DIAPH2: variants seen among roughly 807,000 people sequenced by gnomAD.
The protein encoded by DIAPH2 is protein diaphanous homolog 2.
A neutral mutation model predicts 92.7 loss-of-function variants in DIAPH2; 35 were observed. The observed-to-expected ratio is 0.38, with a 90% CI of 0.29 to 0.50. The LOEUF (loss-of-function observed/expected upper bound fraction) is 0.50. DIAPH2 is among the 20% of genes least tolerant of loss of function. The pLI, the probability that DIAPH2 is intolerant of heterozygous loss-of-function variation, is 0.94. For missense variants in DIAPH2, 701 were observed against 819.5 expected (o/e 0.86, Z 1.77); for synonymous variants, 301 against 280.4 (o/e 1.07, Z -0.73).
At chrX:97,122,679 G>T (rs1040029303) in intron 21 of DIAPH2, among the ~76,000 whole-genome samples, 1 of 112,065 alleles carries the variant, frequency 8.9e-6, no homozygotes, top group Non-Finnish European at 1.9e-5. Context: ...AAATGACTTT[G>T]TGGGTTATAA....
At chrX:97,019,740 A>G (rs1426572992) in intron 17 of DIAPH2, among the ~76,000 whole-genome samples, 2 of 105,542 alleles carry the variant, frequency 1.9e-5, no homozygotes, top group Non-Finnish European at 3.9e-5. Context: ...TGTAATAGGC[A>G]TTAATAGATT....
intron 26 of DIAPH2, 130 bp downstream of exon 26, chrX:97,429,875 C>A: frequency 1.7e-6 from 1 of 599,402 alleles, no homozygotes; most frequent in Non-Finnish European, 2.5e-6. Flanking sequence ...TTGATCTCAG[C>A]TCATGTGTGA....
At chrX:96,980,371 C>T (rs1375809248) in intron 17 of DIAPH2, among the ~76,000 whole-genome samples, 1 of 111,090 alleles carries the variant, frequency 9.0e-6, no homozygotes, top group African/African-American at 3.3e-5. Flanking sequence ...GCCAATCAAG[C>T]CGTCCCTCTG....
At chrX:97,336,243 C>CTTT (rs1186112131) in intron 23 of DIAPH2, among the ~76,000 whole-genome samples, 10 of 91,741 alleles carry the variant, frequency 1.1e-4, no homozygotes, top group African/African-American at 1.2e-4. Context: ...CTTTTCTTTT[C>CTTT]TTTTTTTTTT....
Position 96,965,154 on chromosome X carries a change from A to G in DIAPH2, c.1997A>G (p.Glu666Gly). 1 of 1,200,317 alleles carries G rather than the reference A, an allele frequency of 8.3e-7. No homozygotes were observed. The change falls in exon 17 of 27, where the codon GAG becomes GGG. Residue 666 changes from glutamate to glycine, a missense_variant. Physicochemically the swap from Glu to Gly is moderately conservative, Grantham distance 98 (BLOSUM62 -2). Coordinates refer to ENST00000324765, the MANE Select transcript of DIAPH2 (RefSeq NM_006729.5). ...FWLRVKEDKF[E>G]NPDLFAKLAL... ...TTAAGAGTCAAAGAAGACAAGTTTG[A>G]GAATCCAGATCTCTTTGCCAAATTG...
chrX:97,579,571 C>G (rs1198603917), intron 26 of DIAPH2, among the ~76,000 whole-genome samples: 1 of 111,065 alleles, frequency 9.0e-6, no homozygotes. Context: ...GTTACTGTAG[C>G]CTTGTAGTAT....
chrX:97,234,554 A>G (rs1360781261), intron 22 of DIAPH2, among the ~76,000 whole-genome samples: 1 of 111,583 alleles, frequency 9.0e-6, no homozygotes, highest in Non-Finnish European at 1.9e-5. Flanking sequence ...CTTACGGACC[A>G]CACACAGTCC....
chrX:97,443,605 G>T (rs146587451), intron 26 of DIAPH2, among the ~76,000 whole-genome samples: 123 of 112,160 alleles, frequency 1.1e-3, no homozygotes, highest in Non-Finnish European at 2.1e-3. Context: ...CACTGTAAAT[G>T]AAATCCCATT....
At chrX:97,112,343 C>T (rs1200701079) in intron 20 of DIAPH2, among the ~76,000 whole-genome samples, 1 of 110,960 alleles carries the variant, frequency 9.0e-6, no homozygotes, top group East Asian at 2.8e-4. Flanking sequence ...CTTTTTTAGT[C>T]ATCAGGGAGA....
At chrX:97,018,210 A>C (rs911191710) in intron 17 of DIAPH2, among the ~76,000 whole-genome samples, 2 of 112,265 alleles carry the variant, frequency 1.8e-5, no homozygotes, top group Non-Finnish European at 3.8e-5. Context: ...CTGTCTTGTC[A>C]TGTTAACAGG....
At chrX:96,790,892 C>T (rs776295583) in intron 4 of DIAPH2, among the ~76,000 whole-genome samples, 21 of 111,430 alleles carry the variant, frequency 1.9e-4, no homozygotes, top group Admixed American at 7.7e-4. Flanking sequence ...AGAAATTGAT[C>T]TTGATGAGGT....
At chrX:97,414,238 G>GA (rs2069914359) in intron 25 of DIAPH2, among the ~76,000 whole-genome samples, 1 of 111,549 alleles carries the variant, frequency 9.0e-6, no homozygotes, top group Admixed American at 9.5e-5. Context: ...AGAGGCATCA[G>GA]AAATAATACT....
chrX:97,415,296 G>A (rs765658491), intron 25 of DIAPH2, among the ~76,000 whole-genome samples: 8 of 111,823 alleles, frequency 7.2e-5, no homozygotes, highest in Admixed American at 9.5e-5. Flanking sequence ...ACAGTGTGGC[G>A]ATTCCTCAAG....
Position 97,100,185 on chromosome X carries a change from T to C in DIAPH2, c.2349+390T>C, listed in dbSNP as rs191350292. The stretch of plus-strand genomic sequence containing the variant: ...AAATAAAAGGATAATTACTAGATAA[T>C]TAGCAAAGTACTAGAGACTCTTTTT... On this transcript the variant is annotated intron_variant, in intron 20 of 26. Coordinates refer to ENST00000324765, the MANE Select transcript of DIAPH2 (RefSeq NM_006729.5). Among the ~76,000 whole-genome samples, 22 of 111,110 alleles carry C rather than the reference T, an allele frequency of 2.0e-4. No individual in the cohort carries two copies. The Admixed American group carries it at 2.1e-3, about 11-fold the overall frequency.
chrX:97,500,660 T>G (rs1026477464), intron 26 of DIAPH2, among the ~76,000 whole-genome samples: 1 of 106,229 alleles, frequency 9.4e-6, no homozygotes, highest in Admixed American at 1.0e-4. Context: ...TTCAGTTAAT[T>G]TATCCTTGTT....
chrX:97,401,934 A>G (rs1455803787), intron 25 of DIAPH2, among the ~76,000 whole-genome samples: 1 of 112,461 alleles, frequency 8.9e-6, no homozygotes, highest in Non-Finnish European at 1.9e-5. Context: ...TAAATATTAG[A>G]ACTGAGTCAT....
intron 1 of DIAPH2, among the ~76,000 whole-genome samples, chrX:96,729,306 A>G (rs1180129110): frequency 8.9e-6 from 1 of 112,272 alleles, no homozygotes; most frequent in Non-Finnish European, 1.9e-5. Flanking sequence ...CATTCTTTCT[A>G]TACCTGTAGA....
At chrX:97,585,148 G>A (rs926146639) in intron 26 of DIAPH2, among the ~76,000 whole-genome samples, 4 of 111,476 alleles carry the variant, frequency 3.6e-5, no homozygotes, top group Non-Finnish European at 7.5e-5. Flanking sequence ...AGGTGATGAT[G>A]CAGGGTATCC....
Position 97,401,888 on chromosome X carries a change from T to C in DIAPH2, c.3145+17844T>C, listed in dbSNP as rs1441190537. 2.7e-5 allele frequency among the ~76,000 whole-genome samples: 3 copies of C among 112,736 alleles called. No individual in the cohort carries two copies. In the Admixed American group the frequency reaches 2.8e-4, roughly 11 times the overall value. On this transcript the variant is annotated intron_variant, in intron 25 of 26. Transcript: ENST00000324765. ...CAGCCCACCACCTTGTCTACTAGGCTTCTCTATGTTACTTGTGCTGAACAT... is the reference window on the plus strand; with the variant it reads ...CAGCCCACCACCTTGTCTACTAGGCCTCTCTATGTTACTTGTGCTGAACAT...
Sources: allele counts gnomAD v4.1 joint callset (sites outside exome capture counted in the v4.1 genomes callset), GRCh38; gene constraint gnomAD v4.1.1; transcripts MANE v1.5; gene names NCBI Gene and HGNC (gene_info 2026-07-23, HGNC 2026-07-21).